Variants in RXRA observed in about 807,000 individuals in gnomAD.
RXRA encodes retinoic acid receptor RXR-alpha.
In RXRA, 5 loss-of-function variants were observed where a neutral mutation model predicts 44.5. The ratio of observed to expected loss-of-function variants is 0.11; its 90% CI spans 0.06 to 0.24. RXRA has a LOEUF of 0.24. Among genes scored for constraint, RXRA ranks in the 10% least tolerant of loss-of-function variants. The pLI is 1.00. For synonymous variants in RXRA, 291 were observed against 271.4 expected (o/e 1.07, Z -0.71); for missense variants, 412 against 646.5 (o/e 0.64, Z 3.93).
At chr9:134,385,467 C>T (rs73663471) in intron 1 of RXRA, among the ~76,000 whole-genome samples, 10,553 of 152,286 alleles carry the variant, frequency 0.069, 418 homozygotes, top group African/African-American at 0.096. Context: ...CCCTGCCTTG[C>T]CAGGCCCGGT....
intron 1 of RXRA, among the ~76,000 whole-genome samples, chr9:134,353,827 G>A (rs1265832195): frequency 6.6e-6 from 1 of 152,252 alleles, no homozygotes; most frequent in African/African-American, 2.4e-5. Context: ...TTCAGGCTGA[G>A]AATCTGGTGG....
chr9:134,376,472 TCTCTCTCCTCCCCTGCCGCCCG>T (rs1830558894), intron 1 of RXRA, among the ~76,000 whole-genome samples: 1 of 151,332 alleles, frequency 6.6e-6, no homozygotes, highest in Admixed American at 6.6e-5. Flanking sequence ...TACCGTTTCT[TCTCTCTCCTCCCCTGCCGCCCG>T]CCACACTCTG....
chr9:134,397,407 C>G (rs1830896175), intron 1 of RXRA, among the ~76,000 whole-genome samples: 1 of 152,234 alleles, frequency 6.6e-6, no homozygotes, highest in Admixed American at 6.5e-5. Flanking sequence ...GCCCTGGGTG[C>G]TGGCATTCCG....
intron 6 of RXRA, chr9:134,422,270 C>T (rs1489647204): frequency 1.6e-6 from 2 of 1,289,282 alleles, no homozygotes; most frequent in East Asian, 1.1e-4. Context: ...ACGCTCCCCG[C>T]TCCCAGGACA....
In RXRA at chr9:134,433,119, G is replaced by A. The variant is rs140443336; in HGVS notation, c.1136-983G>A. The stretch of plus-strand genomic sequence containing the variant: ...TTGTCAGACCTGGCTCTGAGGGACC[G>A]GGCCGGGATGGAGATGGGCATCTTC... On this transcript the variant is annotated intron_variant, in intron 8 of 9. Coordinates refer to ENST00000481739, the MANE Select transcript of RXRA (RefSeq NM_002957.6). The surrounding 1 kb of genome is among the most constrained non-coding windows in gnomAD (Gnocchi z 4.2). 3.9e-3 allele frequency among the ~76,000 whole-genome samples: 598 copies of A among 152,214 alleles called. 4 individuals are homozygous for A. Among genetic ancestry groups the A allele is most frequent in the Non-Finnish European group, 4.6e-3 (312 of 68,010 alleles).
chr9:134,436,624 C>T lies in RXRA; in HGVS notation c.*10C>T, dbSNP rs762749803. 3.7e-6 allele frequency: 6 copies of T among 1,613,616 alleles called. No homozygotes were observed. The Admixed American group carries it at 8.3e-5, about 22-fold the overall frequency. On this transcript the variant is annotated 3_prime_UTR_variant, in exon 10 of 10. Coordinates refer to ENST00000481739, the MANE Select transcript of RXRA (RefSeq NM_002957.6). ...GCACCAAATGACTTAGGCCTGCGGG[C>T]CCATCCTTTGTGCCCACCCGTTCTG...
intron 1 of RXRA, among the ~76,000 whole-genome samples, chr9:134,332,279 C>A (rs1450929864): frequency 6.6e-6 from 1 of 152,100 alleles, no homozygotes; most frequent in Non-Finnish European, 1.5e-5. Context: ...GGGGAGTGGA[C>A]GGAGTGAGAT....
intron 1 of RXRA, among the ~76,000 whole-genome samples, chr9:134,350,696 C>G (rs563203247): frequency 2.6e-5 from 4 of 152,236 alleles, no homozygotes; most frequent in Admixed American, 1.3e-4. Context: ...CAGCCTCCCC[C>G]GCAGGAGCAG....
chr9:134,412,451 C>T (rs1041627863), intron 4 of RXRA, among the ~76,000 whole-genome samples: 2 of 152,220 alleles, frequency 1.3e-5, no homozygotes, highest in Admixed American at 6.5e-5. Flanking sequence ...CAGGTGCCCC[C>T]ATGCGGTGAC....
At chr9:134,338,171 G>A (rs1310444934) in intron 1 of RXRA, among the ~76,000 whole-genome samples, 1 of 152,152 alleles carries the variant, frequency 6.6e-6, no homozygotes, top group East Asian at 1.9e-4. Context: ...CAGAAGACAA[G>A]CATGTGGTTC....
At chr9:134,409,828 T>C (rs1831119420) in intron 4 of RXRA, among the ~76,000 whole-genome samples, 1 of 152,212 alleles carries the variant, frequency 6.6e-6, no homozygotes, top group Non-Finnish European at 1.5e-5. Context: ...TCGGGTCCCG[T>C]GCCCTGGGCC....
chr9:134,381,019 CTG>C (rs1830636750), intron 1 of RXRA, among the ~76,000 whole-genome samples: 1 of 152,216 alleles, frequency 6.6e-6, no homozygotes, highest in Non-Finnish European at 1.5e-5. Flanking sequence ...CAGTCAGAGA[CTG>C]AGTCTGAACC....
At chr9:134,397,900 G>A (rs905011135) in intron 1 of RXRA, among the ~76,000 whole-genome samples, 1 of 152,238 alleles carries the variant, frequency 6.6e-6, no homozygotes, top group Non-Finnish European at 1.5e-5. Flanking sequence ...TGGTTTGGGG[G>A]TGAACCTGGA....
At chr9:134,398,357 A>G (rs576194833) in intron 1 of RXRA, among the ~76,000 whole-genome samples, 1,331 of 85,094 alleles carry the variant, frequency 0.016, 10 homozygotes, top group Non-Finnish European at 0.022. Context: ...AATGACCTGG[A>G]AGAGACAGAG....
intron 1 of RXRA, among the ~76,000 whole-genome samples, chr9:134,338,286 C>G (rs1176314093): frequency 6.6e-6 from 1 of 152,256 alleles, no homozygotes; most frequent in Non-Finnish European, 1.5e-5. Context: ...CTGGCTCATT[C>G]TTGGCTCCCT....
At chr9:134,413,028 A>G (rs1011129737) in intron 4 of RXRA, among the ~76,000 whole-genome samples, 2 of 151,942 alleles carry the variant, frequency 1.3e-5, no homozygotes, top group African/African-American at 4.8e-5. Context: ...CACTGCAGGG[A>G]TGTGGCTGAC....
At chr9:134,379,943 C>G (rs1227447859) in intron 1 of RXRA, 6 of 985,182 alleles carry the variant, frequency 6.1e-6, no homozygotes, top group Non-Finnish European at 7.2e-6. Flanking sequence ...TCTGGCCTCC[C>G]AGCCTGCTCC....
chr9:134,354,817 C>T (rs889797581), intron 1 of RXRA, among the ~76,000 whole-genome samples: 35 of 152,370 alleles, frequency 2.3e-4, no homozygotes, highest in African/African-American at 8.4e-4. Flanking sequence ...CTGCAATTGT[C>T]CTCGTCCTGG....
intron 1 of RXRA, among the ~76,000 whole-genome samples, chr9:134,354,509 T>A (rs1326426364): frequency 6.6e-6 from 1 of 152,170 alleles, no homozygotes; most frequent in African/African-American, 2.4e-5. Flanking sequence ...CAGGCACTAT[T>A]GAAGATGAGG....
Sources: allele counts gnomAD v4.1 joint callset (sites outside exome capture counted in the v4.1 genomes callset), GRCh38; gene constraint gnomAD v4.1.1; non-coding constraint Gnocchi (gnomAD v3.1); transcripts MANE v1.5; gene names NCBI Gene and HGNC (gene_info 2026-07-23, HGNC 2026-07-21).